The following SLC5A11 variants were observed in gnomAD, a reference collection of about 807,000 sequenced individuals.
The protein encoded by SLC5A11 is sodium/myo-inositol cotransporter 2.
A neutral mutation model predicts 69.8 loss-of-function variants in SLC5A11; 48 were observed. The ratio of observed to expected loss-of-function variants is 0.69; its 90% CI spans 0.55 to 0.87. The LOEUF is 0.87. Among genes scored for constraint, SLC5A11 ranks in the 40% least tolerant of loss-of-function variants. SLC5A11 has a pLI of 0.00. For missense variants in SLC5A11, 784 were observed against 866.1 expected (o/e 0.91, Z 1.19); for synonymous variants, 319 against 342.4 (o/e 0.93, Z 0.75).
chr16:24,861,913 A>G (rs954627052), intron 2 of SLC5A11: 1 of 152,180 alleles, frequency 6.6e-6, no homozygotes, highest in Non-Finnish European at 1.5e-5. Context: ...GGGATTACAG[A>G]CTTTATTAAA....
intron 8 of SLC5A11, among the ~76,000 whole-genome samples, chr16:24,884,519 T>A (rs1462788169): frequency 2.0e-5 from 3 of 146,922 alleles, no homozygotes; most frequent in Admixed American, 2.0e-4. Flanking sequence ...TTTTGTTTTT[T>A]TTTTTTTTTT....
exon 16 of SLC5A11, chr16:24,911,555 C>CA: frequency 1.2e-6 from 2 of 1,611,308 alleles, no homozygotes; most frequent in Non-Finnish European, 1.7e-6. Flanking sequence ...CCCAGGGGTC[C>CA]AAACTCTGTT....
At chr16:24,872,510 C>G (rs2047370442) in intron 5 of SLC5A11, among the ~76,000 whole-genome samples, 1 of 152,108 alleles carries the variant, frequency 6.6e-6, no homozygotes, top group Non-Finnish European at 1.5e-5. Context: ...ATGTAAAGCT[C>G]ACAATCTCTT....
intron 5 of SLC5A11, among the ~76,000 whole-genome samples, chr16:24,874,248 T>C (rs746165888): frequency 7.2e-5 from 11 of 152,224 alleles, no homozygotes; most frequent in Non-Finnish European, 1.5e-4. Context: ...GGCGTTTAAG[T>C]TGCTCCCAGT....
intron 5 of SLC5A11, among the ~76,000 whole-genome samples, chr16:24,874,613 C>T (rs2047549448): frequency 6.6e-6 from 1 of 152,096 alleles, no homozygotes; most frequent in South Asian, 2.1e-4. Flanking sequence ...GGCTGGAGTG[C>T]AGTGGCGTGC....
At chr16:24,895,634 A>T (rs1597235805) in intron 9 of SLC5A11, among the ~76,000 whole-genome samples, 2 of 98,484 alleles carry the variant, frequency 2.0e-5, no homozygotes, top group South Asian at 6.3e-4. Flanking sequence ...GGGACCCCTC[A>T]GTTGGACAGC....
At chr16:24,910,425 C>T (rs944198319) in exon 15 of SLC5A11, 8 of 1,614,188 alleles carry the variant, frequency 5.0e-6, no homozygotes, top group Non-Finnish European at 6.8e-6. Flanking sequence ...CCAGCAGCAG[C>T]AGCAGCGTCC....
At chr16:24,865,808 T>C (rs983503640) in intron 3 of SLC5A11, among the ~76,000 whole-genome samples, 3 of 151,828 alleles carry the variant, frequency 2.0e-5, no homozygotes, top group Admixed American at 6.6e-5. Flanking sequence ...AGAGAGTAAC[T>C]TGAGTCTACA....
rs1182615959 is a variant in SLC5A11, at chr16:24,849,572, CAAAAAAA to C, written c.-25+3150_-25+3156del. On this transcript the variant is annotated intron_variant, in intron 1 of 15. Transcript: ENST00000347898. ...ACAGAGCGAGACTCTGCCTTGGGGG[CAAAAAAA>C]AAAAAAAAAAAAAAATATATATATA... is the stretch of plus-strand genomic sequence containing the variant. Among the ~76,000 whole-genome samples, 526 of 38,474 alleles carry C rather than the reference CAAAAAAA, an allele frequency of 0.014. 15 individuals are homozygous for C. The Middle Eastern group carries it at 0.14, about 10-fold the overall frequency. The allele number at this position is 38,474 out of a possible 152,430, so 25.2% of individuals were successfully genotyped here.
rs2050512626 is a variant in SLC5A11 at position 24,911,357 on chromosome 16, G to C, written c.1852G>C (p.Val618Leu). The change falls in exon 16 of 16, where the codon GTG (valine) becomes CTG (leucine). Residue 618 changes from valine (V) to leucine (L), a missense_variant. Val to Leu is a conservative substitution (Grantham distance 32). Coordinates refer to ENST00000347898, the Ensembl canonical transcript of SLC5A11. ...CATGACCCCAAAGCAGTCCAAAGTG[G>C]TGAAGGCCATCCTGTGGCTCTGTGG... 6.2e-7 allele frequency: 1 copy of C among 1,613,914 alleles called. No individual in the cohort carries two copies. Among genetic ancestry groups the C allele is most frequent in the Non-Finnish European group, 8.5e-7 (1 of 1,180,026 alleles).
In SLC5A11 at chr16:24,907,068, G is replaced by A. The variant is rs142930904; in HGVS notation, c.1158G>A (p.Met386Ile). ...TGGCTGTGATGGTGGCGGCTCTCAT[G>A]TCCTCCCTCACCTCCATCTTTAACA... Residue 386 changes from methionine (M) to isoleucine (I), a missense_variant, in exon 12 of 16, where the codon ATG (methionine) becomes ATA (isoleucine). By Grantham distance (10) the Met-to-Ile change is conservative. Around this residue, in one of 3 missense-constraint regions of SLC5A11, gnomAD observed 550 missense variants for 606.4 expected, o/e 0.91. Coordinates refer to ENST00000347898, the Ensembl canonical transcript of SLC5A11. 3.7e-6 allele frequency: 6 copies of A among 1,614,116 alleles called. No homozygotes were observed. In the East Asian group the frequency reaches 1.1e-4, roughly 30 times the overall value.
At chr16:24,849,589 A>ATATATAT (rs60706405) in intron 1 of SLC5A11, among the ~76,000 whole-genome samples, 14 of 63,764 alleles carry the variant, frequency 2.2e-4, no homozygotes, top group South Asian at 5.6e-4. Context: ...AAAAAAAAAA[A>ATATATAT]AAAAATATAT....
At chr16:24,910,881 G>T (rs1368152833) in intron 15 of SLC5A11, among the ~76,000 whole-genome samples, 1 of 152,186 alleles carries the variant, frequency 6.6e-6, no homozygotes, top group East Asian at 1.9e-4. Context: ...AAAATTGAGA[G>T]ATTTTGGCCG....
chr16:24,862,297 T>G (rs2046620413), intron 2 of SLC5A11, among the ~76,000 whole-genome samples: 1 of 152,180 alleles, frequency 6.6e-6, no homozygotes, highest in Non-Finnish European at 1.5e-5. Flanking sequence ...GTATCAGTTA[T>G]AAAACATCAT....
intron 5 of SLC5A11, among the ~76,000 whole-genome samples, chr16:24,873,397 G>A (rs2047461485): frequency 6.6e-6 from 1 of 152,078 alleles, no homozygotes; most frequent in Non-Finnish European, 1.5e-5. Flanking sequence ...TTGGGAGGCT[G>A]TGGTGGGAGG....
intron 9 of SLC5A11, among the ~76,000 whole-genome samples, chr16:24,891,574 T>C (rs2048813503): frequency 6.6e-6 from 1 of 152,098 alleles, no homozygotes; most frequent in African/African-American, 2.4e-5. Flanking sequence ...TCCTCCCGCC[T>C]CAGCCTCCCA....
Position 24,857,706 on chromosome 16 carries a change from C to T in SLC5A11, c.-24-914C>T, listed in dbSNP as rs76241409. ...TTTTACTGTGATTACATGGGGCCCA[C>T]CCAGTTAATCCAGGCATCTCCCTAT... On this transcript the variant is annotated intron_variant, in intron 1 of 15. Transcript: ENST00000347898. 9.5e-3 allele frequency among the ~76,000 whole-genome samples: 1,450 copies of T among 152,302 alleles called. 24 individuals are homozygous for T. Among genetic ancestry groups the T allele is most frequent in the African/African-American group, 0.032 (1,348 of 41,546 alleles).
At chr16:24,861,441 C>A (rs1030257670) in intron 2 of SLC5A11, among the ~76,000 whole-genome samples, 1 of 151,126 alleles carries the variant, frequency 6.6e-6, no homozygotes, top group Non-Finnish European at 1.5e-5. Context: ...GATCATGTCA[C>A]TGCACTCCAG....
intron 1 of SLC5A11, among the ~76,000 whole-genome samples, chr16:24,847,061 G>A (rs989422602): frequency 3.9e-5 from 6 of 152,188 alleles, no homozygotes; most frequent in African/African-American, 1.2e-4. Context: ...GCCAAGCCAA[G>A]ACTCAATTCC....
Sources: gnomAD v4.1 joint callset for allele counts (sites outside exome capture counted in the v4.1 genomes callset) on GRCh38, gnomAD v4.1.1 for gene constraint, gnomAD v4.1.1 regional missense constraint, MANE v1.5 for transcripts, NCBI Gene and HGNC (gene_info 2026-07-23, HGNC 2026-07-21) for gene names.